WDR3: variants seen among roughly 807,000 people sequenced by gnomAD.
The protein encoded by WDR3 is WD repeat-containing protein 3.
A neutral mutation model predicts 123.7 loss-of-function variants in WDR3; 81 were observed. That is an observed-to-expected ratio of 0.65 (90% confidence interval 0.55 to 0.79). WDR3 has a LOEUF of 0.79. Among genes scored for constraint, WDR3 ranks in the 30% least tolerant of loss-of-function variants. WDR3 has a pLI of 0.00. For synonymous variants in WDR3, 390 were observed against 388.8 expected (o/e 1.00, Z -0.04); for missense variants, 1,027 against 1,123.2 (o/e 0.91, Z 1.22).
At chr1:117,956,447 T>C (rs898884991) in intron 24 of WDR3, among the ~76,000 whole-genome samples, 4 of 152,222 alleles carry the variant, frequency 2.6e-5, no homozygotes, top group Non-Finnish European at 5.9e-5. Flanking sequence ...AGGATAAAGA[T>C]GAAACTTCAC....
At chr1:117,955,816 C>T (rs529990647) in intron 24 of WDR3, among the ~76,000 whole-genome samples, 4 of 150,826 alleles carry the variant, frequency 2.7e-5, no homozygotes, top group African/African-American at 7.3e-5. Context: ...AATAATTACT[C>T]GATATTGCAT....
rs754420773 is a variant in WDR3, at chr1:117,958,938, CAAA to C, written c.2612_2614del (p.Gln871_Met872delinsLeu). 6.2e-7 allele frequency: 1 copy of C among 1,613,846 alleles called. No homozygotes were observed. The highest frequency in any genetic ancestry group is 8.5e-7 in the Non-Finnish European group (1 of 1,179,902). On this transcript the variant is annotated inframe_deletion, in exon 26 of 27. Coordinates refer to ENST00000349139, the MANE Select transcript of WDR3 (RefSeq NM_006784.3). ...TCACTTTGGACAGATCACTAGCAAT[CAAA>C]TGCTTGTGCCAGTGATAGAAAAATT...
At chr1:117,933,717 G>A (rs1650818152) in intron 2 of WDR3, 1 of 578,690 alleles carries the variant, frequency 1.7e-6, no homozygotes, top group Admixed American at 2.8e-5. Context: ...TTTCTTAGAT[G>A]TCTATTTGTT....
intron 24 of WDR3, 39 bp from the exon 25 acceptor site, chr1:117,957,029 A>G (rs1158212451): frequency 1.3e-6 from 2 of 1,522,428 alleles, no homozygotes; most frequent in Admixed American, 4.4e-5. Flanking sequence ...AACAACGTTA[A>G]CAAATGTGGC....
chr1:117,953,951 G>C, intron 21 of WDR3, 56 bp from the exon 22 acceptor site: 3 of 1,465,536 alleles, frequency 2.0e-6, no homozygotes, highest in Non-Finnish European at 2.8e-6. Flanking sequence ...CAGTTTCAGT[G>C]TCCTGGGATG....
At chr1:117,943,298 T>G (rs1651244981) in intron 10 of WDR3, 98 bp from the exon 11 acceptor site, 1 of 1,045,640 alleles carries the variant, frequency 9.6e-7, no homozygotes, top group African/African-American at 1.6e-5. Flanking sequence ...ATTCAAACTT[T>G]ATATAGATAG....
Position 117,953,505 on chromosome 1 carries a change from C to T in WDR3, c.2232C>T (p.Tyr744=). 6.2e-7 allele frequency: 1 copy of T among 1,612,758 alleles called. No individual in the cohort carries two copies. The highest frequency in any genetic ancestry group is 2.2e-5 in the East Asian group (1 of 44,812). The change falls in exon 21 of 27, where the codon TAC becomes TAT. Residue 744 remains tyrosine, a synonymous_variant. Coordinates refer to ENST00000349139, the MANE Select transcript of WDR3 (RefSeq NM_006784.3). ...AVPGETQGDS[Y]FTGKKTIETV... The stretch of plus-strand genomic sequence containing the variant: ...CAGGAGAGACTCAAGGTGACAGTTA[C>T]TTTACTGGAAAGAAAACTATTGAAA...
intron 22 of WDR3, 103 bp downstream of exon 22, chr1:117,954,202 A>G: frequency 1.1e-6 from 1 of 934,706 alleles, no homozygotes. Context: ...TATGCAATAA[A>G]TGGAATAGAA....
chr1:117,957,487 G>T (rs1652385655), intron 25 of WDR3, among the ~76,000 whole-genome samples: 1 of 152,146 alleles, frequency 6.6e-6, no homozygotes, highest in African/African-American at 2.4e-5. Context: ...TCAGTCATAG[G>T]CCTCCATGTT....
chr1:117,948,484 C>T lies in WDR3; in HGVS notation c.1502C>T (p.Ser501Phe). The T allele has an allele frequency of 2.5e-6, 4 of 1,613,776 alleles. No homozygotes were observed. Among genetic ancestry groups the T allele is most frequent in the Non-Finnish European group, 3.4e-6 (4 of 1,179,870 alleles). ...GATGCACATGATGGAGCTTTGTGGT[C>T]CATGTCCCTCTCTCCAGATCAGGTA... Reference protein sequence around the residue: ...TIDAHDGALWSMSLSPDQRGF... With the variant: ...TIDAHDGALWFMSLSPDQRGF... Residue 501 changes from serine to phenylalanine, a missense_variant, in exon 13 of 27, where the codon TCC becomes TTC. Physicochemically the swap from Ser to Phe is radical, Grantham distance 155. Transcript: ENST00000349139.
chr1:117,953,770 C>A, intron 21 of WDR3: 1 of 610,106 alleles, frequency 1.6e-6, no homozygotes. Flanking sequence ...CTGCCCTATT[C>A]AGAGTGTCTA....
In WDR3 at chr1:117,941,764, G is replaced by C. The variant is rs1651181270; in HGVS notation, c.906G>C (p.Val302=). The C allele has an allele frequency of 4.3e-6, 7 of 1,611,404 alleles. No individual in the cohort carries two copies. In the East Asian group the frequency reaches 1.6e-4, roughly 36 times the overall value. The change falls in exon 9 of 27, where the codon GTG becomes GTC. Residue 302 remains valine, a synonymous_variant. Coordinates refer to ENST00000349139, the MANE Select transcript of WDR3 (RefSeq NM_006784.3). ...TGCCTTTCTAGGGAACTGACTCTGT[G>C]CTAGAATTGTTTTGTATCCTTTCCA... The part of the protein sequence containing the change: ...RILACHGTDS[V]LELFCILSKK...
At chr1:117,940,316 A>G (rs1651096669) in intron 6 of WDR3, among the ~76,000 whole-genome samples, 1 of 152,192 alleles carries the variant, frequency 6.6e-6, no homozygotes, top group African/African-American at 2.4e-5. Context: ...TTATGTAGTC[A>G]GTTTTTAATA....
chr1:117,955,061 T>C, intron 23 of WDR3: 1 of 422,228 alleles, frequency 2.4e-6, no homozygotes, highest in Non-Finnish European at 4.2e-6. Context: ...CTCATCACAG[T>C]AATTTTGTGA....
rs1269746780 is a variant in WDR3 at position 117,952,083 on chromosome 1, A to G, written c.1904+7A>G. ...TCTTTGCACATGATGACAGGTATGT[A>G]TAGTCTTTTCAAATGTCTCCCTTTG... On this transcript the variant is annotated splice_region_variant and intron_variant, in intron 17 of 26. Coordinates refer to ENST00000349139, the MANE Select transcript of WDR3 (RefSeq NM_006784.3). The G allele has an allele frequency of 5.0e-6, 8 of 1,610,642 alleles. No individual in the cohort carries two copies. The highest frequency in any genetic ancestry group is 1.3e-5 in the African/African-American group (1 of 74,794).
intron 4 of WDR3, among the ~76,000 whole-genome samples, chr1:117,937,225 T>G (rs188722248): frequency 6.6e-6 from 1 of 152,204 alleles, no homozygotes; most frequent in African/African-American, 2.4e-5. Flanking sequence ...AGGGAAGATA[T>G]GAATACCAGG....
chr1:117,932,249 A>G (rs1393994344), intron 1 of WDR3, among the ~76,000 whole-genome samples: 2 of 152,182 alleles, frequency 1.3e-5, no homozygotes, highest in Admixed American at 6.5e-5. Context: ...TTGCTCAACC[A>G]TTTTCTATGC....
chr1:117,931,163 G>C (rs1382017159), intron 1 of WDR3, among the ~76,000 whole-genome samples: 1 of 152,148 alleles, frequency 6.6e-6, no homozygotes, highest in Non-Finnish European at 1.5e-5. Context: ...TGAAACTCTT[G>C]ACTCCTAGGC....
chr1:117,943,546 T>G lies in WDR3; in HGVS notation c.1248T>G (p.Ser416Arg). The G allele has an allele frequency of 1.9e-6, 3 of 1,614,138 alleles. No individual in the cohort carries two copies. Among genetic ancestry groups the G allele is most frequent in the Non-Finnish European group, 2.5e-6 (3 of 1,180,016 alleles). ...GAATCACTATTGGGGGTCATCGCAG[T>G]GATGTGCGGACTTTGTCATTCAGCT... ...TSRITIGGHR[S>R]DVRTLSFSSD... is the part of the protein sequence containing the mutation. Residue 416 changes from serine (S) to arginine (R), a missense_variant, in exon 11 of 27, where the codon AGT (serine) becomes AGG (arginine). Transcript: ENST00000349139.
Sources: allele counts gnomAD v4.1 joint callset (sites outside exome capture counted in the v4.1 genomes callset), GRCh38; gene constraint gnomAD v4.1.1; transcripts MANE v1.5; gene names NCBI Gene and HGNC (gene_info 2026-07-23, HGNC 2026-07-21).